Variants in MCC observed in about 807,000 individuals in gnomAD.
The protein encoded by MCC is MCC regulator of Wnt signaling pathway, also known as colorectal mutant cancer protein.
A neutral mutation model predicts 116.2 loss-of-function variants in MCC; 90 were observed. The observed-to-expected ratio is 0.77, with a 90% confidence interval of 0.65 to 0.92. MCC has a LOEUF of 0.92. MCC is among the 40% of genes least tolerant of loss of function. The pLI is 0.00. For missense variants in MCC, 1,516 were observed against 1,312.2 expected (o/e 1.16, Z -2.40); for synonymous variants, 578 against 510.5 (o/e 1.13, Z -1.78).
intron 3 of MCC, among the ~76,000 whole-genome samples, chr5:113,283,720 C>T (rs1229254774): frequency 6.6e-6 from 1 of 152,136 alleles, no homozygotes; most frequent in Non-Finnish European, 1.5e-5. Flanking sequence ...TCAATAAAAG[C>T]CTGTTGAGAG....
intron 3 of MCC, among the ~76,000 whole-genome samples, chr5:113,235,932 CAG>C (rs1764112219): frequency 6.6e-6 from 1 of 152,182 alleles, no homozygotes; most frequent in Non-Finnish European, 1.5e-5. Flanking sequence ...AAAATTCGGT[CAG>C]AGTCTGCTAA....
At chr5:113,273,144 T>C (rs1233767056) in intron 3 of MCC, among the ~76,000 whole-genome samples, 1 of 152,196 alleles carries the variant, frequency 6.6e-6, no homozygotes, top group Non-Finnish European at 1.5e-5. Flanking sequence ...AGAACAGTAC[T>C]GAGGGGCTGA....
At chr5:113,436,590 A>T (rs1307860600) in intron 1 of MCC, 1 of 152,222 alleles carries the variant, frequency 6.6e-6, no homozygotes, top group Non-Finnish European at 1.5e-5. Flanking sequence ...GATTTCTTTG[A>T]CATATTTTGA....
At position 113,388,348 on chromosome 5, in the gene MCC, GC is replaced by G. The variant is rs1312570483; in HGVS notation, c.171-3137del. ...CAAAATTAACAATAATAACTAACAA[GC>G]CTGCAGGGGAATTACAATTATCCCC... On this transcript the variant is annotated intron_variant, in intron 1 of 18. Transcript: ENST00000408903. Among the ~76,000 whole-genome samples the G allele has an allele frequency of 7.9e-5, 12 of 152,244 alleles. No homozygotes were observed. The East Asian group carries it at 1.4e-3, about 17-fold the overall frequency.
At chr5:113,173,686 A>C (rs1049005755) in intron 3 of MCC, among the ~76,000 whole-genome samples, 1 of 152,132 alleles carries the variant, frequency 6.6e-6, no homozygotes, top group African/African-American at 2.4e-5. Flanking sequence ...CCTAGACATA[A>C]ATTCCTTGAG....
intron 4 of MCC, among the ~76,000 whole-genome samples, chr5:113,144,689 C>T (rs1238244937): frequency 6.6e-6 from 1 of 152,216 alleles, no homozygotes; most frequent in African/African-American, 2.4e-5. Flanking sequence ...GTAGGGCCTG[C>T]ACCTCAACAA....
intron 8 of MCC, 106 bp from the exon 9 acceptor site, chr5:113,085,416 C>G (rs986387590): frequency 8.8e-7 from 1 of 1,131,970 alleles, no homozygotes; most frequent in Admixed American, 2.4e-5. Flanking sequence ...AGGGATCAGC[C>G]CACTGAAAAG....
At chr5:113,301,225 G>A (rs994490675) in intron 3 of MCC, among the ~76,000 whole-genome samples, 1 of 152,208 alleles carries the variant, frequency 6.6e-6, no homozygotes, top group Non-Finnish European at 1.5e-5. Context: ...CAGCACTTTG[G>A]GAGGCCAAGG....
chr5:113,410,468 A>G (rs1769955763), intron 1 of MCC, among the ~76,000 whole-genome samples: 1 of 152,214 alleles, frequency 6.6e-6, no homozygotes, highest in Admixed American at 6.5e-5. Flanking sequence ...CTTAGAGTTC[A>G]CGAGTCAAAA....
chr5:113,133,834 G>A (rs1054118942), intron 5 of MCC, among the ~76,000 whole-genome samples: 58 of 152,234 alleles, frequency 3.8e-4, no homozygotes, highest in African/African-American at 1.4e-3. Context: ...TGGGGAGAGA[G>A]AATATCTCAT....
intron 7 of MCC, among the ~76,000 whole-genome samples, chr5:113,103,243 T>C (rs1054822861): frequency 3.9e-5 from 6 of 152,230 alleles, no homozygotes; most frequent in Non-Finnish European, 7.3e-5. Flanking sequence ...CTGCCACTTT[T>C]CCCATGTGCT....
At chr5:113,241,723 T>C (rs756465759) in intron 3 of MCC, among the ~76,000 whole-genome samples, 17 of 152,194 alleles carry the variant, frequency 1.1e-4, no homozygotes, top group Non-Finnish European at 1.3e-4. Flanking sequence ...CATGAAAGCA[T>C]GTAATCTGAG....
chr5:113,295,057 G>T (rs1053888093), intron 3 of MCC: 6 of 556,794 alleles, frequency 1.1e-5, no homozygotes, highest in Non-Finnish European at 1.4e-5. Context: ...AGAGGAGACC[G>T]TGCTGGGAGA....
At chr5:113,374,919 G>A (rs947074003) in intron 2 of MCC, among the ~76,000 whole-genome samples, 1 of 150,558 alleles carries the variant, frequency 6.6e-6, no homozygotes, top group African/African-American at 2.4e-5. Context: ...TTGAGTCCAG[G>A]AGGTCAAGGC....
chr5:113,065,116 G>A (rs1176343700), intron 13 of MCC, among the ~76,000 whole-genome samples: 1 of 152,184 alleles, frequency 6.6e-6, no homozygotes, highest in Non-Finnish European at 1.5e-5. Flanking sequence ...CTGTAACCGT[G>A]GACTCAAGTT....
chr5:113,102,393 C>T (rs1337193358), intron 7 of MCC, among the ~76,000 whole-genome samples: 3 of 152,210 alleles, frequency 2.0e-5, no homozygotes, highest in Admixed American at 6.5e-5. Context: ...TTATAGGCCT[C>T]CCACATGCCA....
chr5:113,404,723 C>T (rs1769784701), intron 1 of MCC, among the ~76,000 whole-genome samples: 1 of 152,146 alleles, frequency 6.6e-6, no homozygotes, highest in African/African-American at 2.4e-5. Flanking sequence ...ATAAATTATG[C>T]TCCATCTATA....
At chr5:113,029,902 G>A (rs1047507434) in intron 17 of MCC, among the ~76,000 whole-genome samples, 1 of 152,194 alleles carries the variant, frequency 6.6e-6, no homozygotes, top group Non-Finnish European at 1.5e-5. Flanking sequence ...CTCCCCCATG[G>A]TCATGTTGGG....
chr5:113,124,591 C>T (rs1757934974), intron 5 of MCC, among the ~76,000 whole-genome samples: 1 of 152,176 alleles, frequency 6.6e-6, no homozygotes, highest in Non-Finnish European at 1.5e-5. Flanking sequence ...AAATCTCCTG[C>T]TTTGTACAAA....
Sources: gnomAD v4.1 joint callset for allele counts (sites outside exome capture counted in the v4.1 genomes callset) on GRCh38, gnomAD v4.1.1 for gene constraint, MANE v1.5 for transcripts, NCBI Gene and HGNC (gene_info 2026-07-23, HGNC 2026-07-21) for gene names.